Variants in LRRFIP1 observed in about 807,000 individuals in gnomAD.
LRRFIP1 encodes the protein LRR binding FLII interacting protein 1, also known as leucine-rich repeat flightless-interacting protein 1.
A neutral mutation model predicts 104.4 loss-of-function variants in LRRFIP1; 62 were observed. The observed-to-expected ratio is 0.59, with a 90% CI of 0.48 to 0.73. LRRFIP1 has a LOEUF of 0.73. Ranked by LOEUF, LRRFIP1 falls within the 30% of genes least tolerant of loss-of-function variation. The pLI is 0.00. For missense variants in LRRFIP1, 796 were observed against 824.5 expected (o/e 0.97, Z 0.42); for synonymous variants, 300 against 299.0 (o/e 1.00, Z -0.03).
intron 1 of LRRFIP1, among the ~76,000 whole-genome samples, chr2:237,631,276 C>T (rs1028312509): frequency 3.3e-5 from 5 of 152,108 alleles, no homozygotes; most frequent in African/African-American, 7.2e-5. Flanking sequence ...GGTTCCAGTT[C>T]GCTGGAGCGA....
chr2:237,779,344 A>T, intron 23 of LRRFIP1, 78 bp from the exon 24 acceptor site: 1 of 1,521,202 alleles, frequency 6.6e-7, no homozygotes, highest in South Asian at 1.3e-5. Context: ...GTAGGATTGG[A>T]ATTTCGGTAA....
At chr2:237,644,785 T>C (rs2084600802) in intron 1 of LRRFIP1, among the ~76,000 whole-genome samples, 1 of 152,250 alleles carries the variant, frequency 6.6e-6, no homozygotes, top group Admixed American at 6.5e-5. Context: ...GATTTCTCAG[T>C]ATTTACTTGT....
rs1320700509 is a variant in LRRFIP1, at chr2:237,703,578, C to T, written c.97-4966C>T. The stretch of plus-strand genomic sequence containing the variant: ...TCGCAGCCACCCCGGCTCTGCTTGT[C>T]CTGTTTCAGGGTCCGGCTTAGGGCT... On this transcript the variant is annotated intron_variant, in intron 1 of 23. Transcript: ENST00000308482. The surrounding 1 kb of genome is among the most constrained non-coding windows in gnomAD (Gnocchi z 4.3). Among the ~76,000 whole-genome samples, 1 of 151,974 alleles carries T rather than the reference C, an allele frequency of 6.6e-6. No individual in the cohort carries two copies. The highest frequency in any genetic ancestry group is 1.5e-5 in the Non-Finnish European group (1 of 68,002).
At chr2:237,720,011 G>A (rs561872650) in intron 5 of LRRFIP1, among the ~76,000 whole-genome samples, 3 of 147,894 alleles carry the variant, frequency 2.0e-5, no homozygotes, top group Non-Finnish European at 3.0e-5. Context: ...GCAGTGGTGC[G>A]GTTTTGGCTC....
chr2:237,627,934 G>A (rs1235584526), intron 1 of LRRFIP1, among the ~76,000 whole-genome samples, 194 bp downstream of exon 1: 1 of 150,924 alleles, frequency 6.6e-6, no homozygotes, highest in African/African-American at 2.4e-5. Flanking sequence ...CGATCTCCGA[G>A]GCCTGCGGAC....
chr2:237,753,536 C>T (rs1449387430), intron 15 of LRRFIP1, 57 bp downstream of exon 15: 3 of 1,422,920 alleles, frequency 2.1e-6, no homozygotes, highest in African/African-American at 3.0e-5. Context: ...TGGCCCATGC[C>T]TGTAATTCTG....
intron 1 of LRRFIP1, among the ~76,000 whole-genome samples, chr2:237,654,554 CTTT>C (rs71402730): frequency 6.9e-6 from 1 of 144,830 alleles, no homozygotes; most frequent in Non-Finnish European, 1.5e-5. Context: ...GAAAATATTC[CTTT>C]TTTTTTTTTT....
At chr2:237,741,426 A>G (rs941694373) in intron 11 of LRRFIP1, among the ~76,000 whole-genome samples, 1 of 152,232 alleles carries the variant, frequency 6.6e-6, no homozygotes, top group Admixed American at 6.5e-5. Flanking sequence ...AGAGCAATAA[A>G]CATAAGCTGA....
intron 1 of LRRFIP1, among the ~76,000 whole-genome samples, chr2:237,634,163 C>T (rs1016859420): frequency 6.6e-6 from 1 of 152,164 alleles, no homozygotes; most frequent in Non-Finnish European, 1.5e-5. Context: ...CTCCGTAAAA[C>T]CCAAGTCCTT....
chr2:237,665,478 A>C (rs2089032750), intron 1 of LRRFIP1, among the ~76,000 whole-genome samples: 1 of 152,252 alleles, frequency 6.6e-6, no homozygotes, highest in Non-Finnish European at 1.5e-5. Context: ...AGAGATACCA[A>C]CAAGCCAACA....
chr2:237,751,263 G>T lies in LRRFIP1; in HGVS notation c.859G>T (p.Glu287Ter). 1 of 1,607,838 alleles carries T rather than the reference G, an allele frequency of 6.2e-7. No homozygotes were observed. The highest frequency in any genetic ancestry group is 8.5e-7 in the Non-Finnish European group (1 of 1,176,980). ...AGGCAAATACATGCAGGGATTGAAA[G>T]AGATGAAGGTACCAATTCACAGACG... ...VEGKYMQGLK[E>*]MKDSLAEVEE... Residue 287 changes from glutamate (E) to a stop codon, truncating the protein, a stop_gained, in exon 14 of 24, where the codon GAG becomes TAG. Transcript: ENST00000308482. LOFTEE classifies it high-confidence loss of function.
At chr2:237,683,995 G>A (rs573438556) in intron 1 of LRRFIP1, among the ~76,000 whole-genome samples, 29 of 152,256 alleles carry the variant, frequency 1.9e-4, no homozygotes, top group African/African-American at 5.3e-4. Context: ...CATTTGTAGC[G>A]TGGTGGATTC....
intron 1 of LRRFIP1, among the ~76,000 whole-genome samples, chr2:237,681,660 C>A (rs971035254): frequency 1.2e-4 from 18 of 144,372 alleles, no homozygotes; most frequent in Admixed American, 1.2e-3. Flanking sequence ...AGCCACCGTG[C>A]CCGGCCGCAG....
intron 19 of LRRFIP1, chr2:237,768,882 G>T (rs773436333): frequency 1.4e-4 from 21 of 152,198 alleles, no homozygotes; most frequent in Non-Finnish European, 2.5e-4. Flanking sequence ...GAGGTAGGCC[G>T]CATGACAGCA....
intron 1 of LRRFIP1, among the ~76,000 whole-genome samples, chr2:237,666,538 T>A (rs906582364): frequency 6.6e-6 from 1 of 151,050 alleles, no homozygotes; most frequent in Non-Finnish European, 1.5e-5. Context: ...CTTTGGTATG[T>A]TATTCTTCTT....
At chr2:237,776,213 G>A (rs1400540852) in intron 23 of LRRFIP1, among the ~76,000 whole-genome samples, 1 of 152,140 alleles carries the variant, frequency 6.6e-6, no homozygotes, top group Non-Finnish European at 1.5e-5. Flanking sequence ...TCCTGCCTTG[G>A]CCTCCCAAAG....
chr2:237,735,445 C>A lies in LRRFIP1; in HGVS notation c.555+112C>A. 1 of 952,878 alleles carries A rather than the reference C, an allele frequency of 1.0e-6. No individual in the cohort carries two copies. Among genetic ancestry groups the A allele is most frequent in the Non-Finnish European group, 1.5e-6 (1 of 656,170 alleles). 59.0% of individuals were successfully genotyped at this position (952,878 alleles called of 1,614,324 possible). On this transcript the variant is annotated intron_variant, in intron 10 of 23. Coordinates refer to ENST00000308482, the MANE Select transcript of LRRFIP1 (RefSeq NM_001137550.2). This position sits in a 1 kb window ranked among gnomAD's most constrained non-coding sequence, Gnocchi z 4.6. ...GTGACTGGCCATTCTCAGGAGGAAG[C>A]GCCGAGTCACCGGGCTAACCGCCAC...
At chr2:237,659,403 A>T (rs990835676) in intron 1 of LRRFIP1, among the ~76,000 whole-genome samples, 24 of 151,598 alleles carry the variant, frequency 1.6e-4, no homozygotes, top group African/African-American at 5.8e-4. Flanking sequence ...GCAGAAAAGG[A>T]TATGTTATTA....
At chr2:237,736,558 G>T (rs1366680266) in intron 10 of LRRFIP1, among the ~76,000 whole-genome samples, 1 of 152,158 alleles carries the variant, frequency 6.6e-6, no homozygotes, top group Non-Finnish European at 1.5e-5. Context: ...AGGACGGAGG[G>T]CTCCTGATGC....
Sources: allele counts gnomAD v4.1 joint callset (sites outside exome capture counted in the v4.1 genomes callset), GRCh38; gene constraint gnomAD v4.1.1; non-coding constraint Gnocchi (gnomAD v3.1); transcripts MANE v1.5; gene names NCBI Gene and HGNC (gene_info 2026-07-23, HGNC 2026-07-21).